The following IHO1 variants were observed in gnomAD, a reference collection of about 807,000 sequenced individuals.
IHO1 encodes the protein interactor of HORMAD1 1, also known as interactor of HORMAD1 protein 1.
Under a neutral mutation model 31.0 loss-of-function variants are expected in IHO1, and 13 were observed. The observed-to-expected ratio is 0.42, with a 90% CI of 0.27 to 0.67. The LOEUF (loss-of-function observed/expected upper bound fraction) is 0.67. Ranked by LOEUF, IHO1 falls within the 30% of genes least tolerant of loss-of-function variation. IHO1 has a pLI of 0.24. For missense variants in IHO1, 599 were observed against 687.5 expected (o/e 0.87, Z 1.44); for synonymous variants, 221 against 248.4 (o/e 0.89, Z 1.04).
At chr3:49,206,989 A>C (rs1043483626) in intron 1 of IHO1, among the ~76,000 whole-genome samples, 13 of 145,226 alleles carry the variant, frequency 9.0e-5, no homozygotes, top group African/African-American at 3.3e-4. Context: ...CAAATGTTGC[A>C]GTGAGCCGAG....
At chr3:49,208,638 C>T (rs2046171594) in intron 1 of IHO1, among the ~76,000 whole-genome samples, 2 of 152,210 alleles carry the variant, frequency 1.3e-5, no homozygotes, top group Non-Finnish European at 2.9e-5. Flanking sequence ...GCTTTCCATC[C>T]TGAGAAATCA....
At chr3:49,210,258 A>AT (rs966068778) in intron 1 of IHO1, among the ~76,000 whole-genome samples, 42 of 148,444 alleles carry the variant, frequency 2.8e-4, no homozygotes, top group African/African-American at 5.2e-4. Context: ...ATTTTTTGAG[A>AT]TTTTTTTTTT....
At chr3:49,253,367 G>A (rs1266116324) in intron 6 of IHO1, among the ~76,000 whole-genome samples, 2 of 152,158 alleles carry the variant, frequency 1.3e-5, no homozygotes, top group African/African-American at 4.8e-5. Context: ...AGAGGTTGCA[G>A]TGAGCTGAGA....
intron 1 of IHO1, among the ~76,000 whole-genome samples, chr3:49,200,369 GC>G (rs1265191162): frequency 6.6e-5 from 10 of 151,560 alleles, no homozygotes; most frequent in Admixed American, 1.3e-4. Context: ...GGAGGCTGAG[GC>G]AGGAGAATCA....
chr3:49,256,606 A>G lies in IHO1; in HGVS notation c.1109A>G (p.His370Arg), dbSNP rs147141108. 3.7e-6 allele frequency: 6 copies of G among 1,614,124 alleles called. No homozygotes were observed. The Admixed American group carries it at 5.0e-5, about 13-fold the overall frequency. Residue 370 changes from histidine (H) to arginine (R), a missense_variant, in exon 8 of 8, where the codon CAT becomes CGT. Coordinates refer to ENST00000452691, the MANE Select transcript of IHO1 (RefSeq NM_001135197.2). The surrounding 1 kb of genome is among the most constrained non-coding windows in gnomAD (Gnocchi z 4.6). ...GTTACTAAAACAGGTGCCAAGAACC[A>G]TGGTTCCAGCGTCCCAGGCCATAAG... ...WAVTKTGAKN[H>R]GSSVPGHKIP...
intron 6 of IHO1, among the ~76,000 whole-genome samples, chr3:49,247,680 T>C (rs2046711150): frequency 6.6e-6 from 1 of 151,842 alleles, no homozygotes; most frequent in South Asian, 2.1e-4. Context: ...TCCCAGGTAC[T>C]AGGGAGGGTG....
At chr3:49,202,323 A>AT (rs66767086) in intron 1 of IHO1, among the ~76,000 whole-genome samples, 2,368 of 132,482 alleles carry the variant, frequency 0.018, 28 homozygotes, top group African/African-American at 0.035. Flanking sequence ...CTTCTTTTTA[A>AT]TTTTTTTTTT....
upstream of IHO1, among the ~76,000 whole-genome samples, chr3:49,197,326 C>T (rs1056315961): frequency 2.6e-5 from 4 of 151,018 alleles, no homozygotes; most frequent in South Asian, 2.1e-4. Context: ...TAGACAGTCT[C>T]GCTCTGTTGC....
chr3:49,232,098 G>A (rs1409225764), intron 2 of IHO1, among the ~76,000 whole-genome samples: 1 of 152,144 alleles, frequency 6.6e-6, no homozygotes, highest in Non-Finnish European at 1.5e-5. Context: ...TTGCAGTGAT[G>A]GATATTCCAG....
At chr3:49,217,682 A>T (rs569053753) in intron 2 of IHO1, among the ~76,000 whole-genome samples, 7 of 151,930 alleles carry the variant, frequency 4.6e-5, no homozygotes, top group African/African-American at 1.7e-4. Context: ...GCTCACTGTG[A>T]TGTAGAATTA....
At chr3:49,231,976 G>A (rs537364778) in intron 2 of IHO1, among the ~76,000 whole-genome samples, 12 of 152,260 alleles carry the variant, frequency 7.9e-5, no homozygotes, top group East Asian at 1.9e-4. Context: ...ATGTTCCGTC[G>A]TTTGGGAGAC....
chr3:49,225,845 C>T (rs1022537047), intron 2 of IHO1, among the ~76,000 whole-genome samples: 1 of 152,158 alleles, frequency 6.6e-6, no homozygotes, highest in East Asian at 1.9e-4. Flanking sequence ...AGGAGGAAGT[C>T]AATTTCCTGG....
At chr3:49,211,648 C>A in intron 1 of IHO1, 118 bp from the exon 2 acceptor site, 1 of 373,700 alleles carries the variant, frequency 2.7e-6, no homozygotes, top group Non-Finnish European at 4.9e-6. Context: ...GAAATTTTCA[C>A]TAATTGGATG....
At chr3:49,199,992 G>A (rs935538325) in intron 1 of IHO1, 3 of 152,238 alleles carry the variant, frequency 2.0e-5, no homozygotes, top group African/African-American at 7.2e-5. Flanking sequence ...TAGTCTAGGA[G>A]CTCAGAGCGT....
intron 2 of IHO1, among the ~76,000 whole-genome samples, chr3:49,216,099 G>A (rs1464458575): frequency 1.3e-5 from 2 of 152,062 alleles, no homozygotes; most frequent in African/African-American, 2.4e-5. Flanking sequence ...TTATCTAATT[G>A]CTTTGAATTT....
intron 2 of IHO1, among the ~76,000 whole-genome samples, chr3:49,232,597 A>G (rs1197428130): frequency 6.6e-6 from 1 of 152,196 alleles, no homozygotes; most frequent in Non-Finnish European, 1.5e-5. Context: ...TTTTGGGAGG[A>G]TCCCAAAGAC....
intron 2 of IHO1, among the ~76,000 whole-genome samples, chr3:49,235,312 C>T (rs200644617): frequency 4.0e-5 from 6 of 150,796 alleles, no homozygotes; most frequent in East Asian, 4.0e-4. Context: ...CTACAAGCTC[C>T]GCCTCCTGGG....
chr3:49,244,845 G>A (rs2046675548), intron 6 of IHO1, 112 bp downstream of exon 6: 2 of 904,860 alleles, frequency 2.2e-6, no homozygotes, highest in South Asian at 1.3e-5. Flanking sequence ...GGTTTCAGAT[G>A]AGAGGATGGG....
chr3:49,221,953 G>T (rs956628850), intron 2 of IHO1, among the ~76,000 whole-genome samples: 6 of 152,282 alleles, frequency 3.9e-5, no homozygotes, highest in Middle Eastern at 3.4e-3. Flanking sequence ...TCGCTGACTG[G>T]TTAGTGTAAA....
Sources: allele counts gnomAD v4.1 joint callset (sites outside exome capture counted in the v4.1 genomes callset), GRCh38; gene constraint gnomAD v4.1.1; non-coding constraint Gnocchi (gnomAD v3.1); transcripts MANE v1.5; gene names NCBI Gene and HGNC (gene_info 2026-07-23, HGNC 2026-07-21).